The following GABBR2 variants were observed in gnomAD, a reference collection of about 807,000 sequenced individuals.
GABBR2 encodes the protein G-protein coupled receptor 51.
In GABBR2, 23 loss-of-function variants were observed where a neutral mutation model predicts 105.6. That is an observed-to-expected ratio of 0.22 (90% CI 0.16 to 0.31). The LOEUF is 0.31. GABBR2 is among the 10% of genes least tolerant of loss of function. GABBR2 has a pLI of 1.00. For missense variants in GABBR2, 734 were observed against 1,245.5 expected, an observed-to-expected ratio of 0.59 and a Z score of 6.18; for synonymous variants, 478 against 499.7, an observed-to-expected ratio of 0.96 and a Z score of 0.58.
chr9:98,496,677 A>T (rs1827287626), intron 3 of GABBR2, among the ~76,000 whole-genome samples, 163 bp from the exon 4 acceptor site: 1 of 152,156 alleles, frequency 6.6e-6, no homozygotes, highest in Non-Finnish European at 1.5e-5. Flanking sequence ...CGCCCCACAA[A>T]AACTTGAGGA....
intron 15 of GABBR2, among the ~76,000 whole-genome samples, chr9:98,305,322 G>C (rs1048401511): frequency 6.6e-6 from 1 of 152,092 alleles, no homozygotes; most frequent in African/African-American, 2.4e-5. Context: ...CACATTAAAG[G>C]AATAATTGGA....
intron 1 of GABBR2, among the ~76,000 whole-genome samples, chr9:98,606,538 T>C (rs1398300431): frequency 2.1e-5 from 3 of 142,428 alleles, no homozygotes; most frequent in Non-Finnish European, 4.5e-5. Context: ...TGGACTGCAA[T>C]GGCACAGTCT....
chr9:98,444,868 TGCGC>T (rs201464357), intron 7 of GABBR2, among the ~76,000 whole-genome samples: 3 of 115,180 alleles, frequency 2.6e-5, no homozygotes, highest in Admixed American at 8.8e-5. Flanking sequence ...CATATGCACA[TGCGC>T]GCGCGCGCAC....
chr9:98,436,345 CACCA>C (rs1825911513), intron 7 of GABBR2, among the ~76,000 whole-genome samples: 1 of 44,922 alleles, frequency 2.2e-5, no homozygotes, highest in Non-Finnish European at 3.7e-5. Context: ...CACACACACA[CACCA>C]TATATATATA....
At chr9:98,686,371 T>C (rs1830620603) in intron 1 of GABBR2, among the ~76,000 whole-genome samples, 1 of 139,322 alleles carries the variant, frequency 7.2e-6, no homozygotes, top group African/African-American at 2.8e-5. Flanking sequence ...TCTATTGCAA[T>C]AGTCCCCGAA....
chr9:98,362,900 G>C, intron 12 of GABBR2, 63 bp from the exon 13 acceptor site: 1 of 1,414,608 alleles, frequency 7.1e-7, no homozygotes, highest in Non-Finnish European at 9.3e-7. Context: ...GCAGCAACTG[G>C]GGGCCCAGGT....
At chr9:98,458,060 C>G (rs1383075646) in intron 6 of GABBR2, among the ~76,000 whole-genome samples, 1 of 152,174 alleles carries the variant, frequency 6.6e-6, no homozygotes, top group African/African-American at 2.4e-5. Flanking sequence ...AACATATTTT[C>G]CCACAGACAC....
At chr9:98,325,645 T>C (rs1198723385) in intron 13 of GABBR2, among the ~76,000 whole-genome samples, 1 of 152,156 alleles carries the variant, frequency 6.6e-6, no homozygotes, top group South Asian at 2.1e-4. Flanking sequence ...GAGCCAACTA[T>C]AGGTTTCCAA....
Position 98,674,363 on chromosome 9 carries a change from G to A in GABBR2, c.321+34054C>T, listed in dbSNP as rs558247596. On this transcript the variant is annotated intron_variant, in intron 1 of 18. Coordinates refer to ENST00000259455, the MANE Select transcript of GABBR2 (RefSeq NM_005458.8). Reference sequence around the variant, plus strand: ...CAATCACGAAAGCCAGGAATGCCACGTGAACATCTGGGGGTGCCATAGGAT... The same window carrying A: ...CAATCACGAAAGCCAGGAATGCCACATGAACATCTGGGGGTGCCATAGGAT... 6.8e-4 allele frequency among the ~76,000 whole-genome samples: 103 copies of A among 152,288 alleles called. 1 individual carries two copies. The highest frequency in any genetic ancestry group is 6.8e-3 in the Middle Eastern group (2 of 294).
intron 7 of GABBR2, among the ~76,000 whole-genome samples, chr9:98,418,606 T>A (rs1333299807): frequency 2.0e-5 from 3 of 151,838 alleles, no homozygotes; most frequent in Non-Finnish European, 4.4e-5. Context: ...CAACACAATA[T>A]GTATATATGT....
At chr9:98,385,025 C>T (rs146571029) in intron 11 of GABBR2, among the ~76,000 whole-genome samples, 111 of 152,286 alleles carry the variant, frequency 7.3e-4, no homozygotes, top group Non-Finnish European at 1.2e-3. Context: ...AAAGATCTAT[C>T]GTCATATTCT....
chr9:98,320,568 G>A (rs1830801868), intron 13 of GABBR2, among the ~76,000 whole-genome samples: 1 of 152,072 alleles, frequency 6.6e-6, no homozygotes, highest in Non-Finnish European at 1.5e-5. Flanking sequence ...GCAAAGACTT[G>A]GAACCAACCC....
At chr9:98,429,122 GT>G (rs1825754377) in intron 7 of GABBR2, among the ~76,000 whole-genome samples, 1 of 62,208 alleles carries the variant, frequency 1.6e-5, no homozygotes, top group African/African-American at 8.9e-5. Context: ...CAGGTTTTTG[GT>G]GTGTGTGTGT....
intron 6 of GABBR2, among the ~76,000 whole-genome samples, chr9:98,463,101 C>A (rs1173619529): frequency 1.3e-5 from 2 of 152,170 alleles, no homozygotes; most frequent in African/African-American, 4.8e-5. Flanking sequence ...GTTGGCCAGG[C>A]TGGTCTTGAA....
At chr9:98,462,223 A>G (rs1055207471) in intron 6 of GABBR2, among the ~76,000 whole-genome samples, 17 of 152,156 alleles carry the variant, frequency 1.1e-4, no homozygotes, top group South Asian at 4.1e-4. Flanking sequence ...TTCATTTCTT[A>G]TTTTCTGACT....
chr9:98,525,286 A>C (rs1024518843), intron 3 of GABBR2, among the ~76,000 whole-genome samples: 4 of 152,244 alleles, frequency 2.6e-5, no homozygotes, highest in South Asian at 2.1e-4. Flanking sequence ...AGAATATATA[A>C]AGAATGCTTA....
At chr9:98,385,338 G>T (rs1165962290) in intron 11 of GABBR2, among the ~76,000 whole-genome samples, 1 of 152,118 alleles carries the variant, frequency 6.6e-6, no homozygotes, top group Non-Finnish European at 1.5e-5. Flanking sequence ...GAGAAGATGG[G>T]ACTACAGGTG....
intron 2 of GABBR2, among the ~76,000 whole-genome samples, chr9:98,565,158 C>T (rs957920987): frequency 3.3e-5 from 5 of 152,208 alleles, no homozygotes; most frequent in African/African-American, 1.2e-4. Flanking sequence ...CACATCAGCT[C>T]TCTGGGCCTC....
At chr9:98,658,283 C>T (rs1266225788) in intron 1 of GABBR2, among the ~76,000 whole-genome samples, 1 of 152,146 alleles carries the variant, frequency 6.6e-6, no homozygotes, top group Non-Finnish European at 1.5e-5. Context: ...CAAGCCTGGG[C>T]CCCACCTCCA....
Sources: gnomAD v4.1 joint callset for allele counts (sites outside exome capture counted in the v4.1 genomes callset) on GRCh38, gnomAD v4.1.1 for gene constraint, MANE v1.5 for transcripts, NCBI Gene and HGNC (gene_info 2026-07-23, HGNC 2026-07-21) for gene names.